The following CDH22 variants were observed in gnomAD, a reference collection of about 807,000 sequenced individuals.
CDH22 encodes cadherin 22, also known as cadherin-22.
Under a neutral mutation model 58.4 loss-of-function variants are expected in CDH22, and 30 were observed. That is an observed-to-expected ratio of 0.51 (90% CI 0.38 to 0.70). CDH22 has a LOEUF of 0.70. CDH22 is among the 30% of genes least tolerant of loss of function. The pLI is 0.00. For synonymous variants in CDH22, 513 were observed against 558.2 expected, an observed-to-expected ratio of 0.92 and a Z score of 1.14; for missense variants, 1,014 against 1,233.9, an observed-to-expected ratio of 0.82 and a Z score of 2.67.
At chr20:46,197,157 C>T (rs1459518533) in intron 8 of CDH22, among the ~76,000 whole-genome samples, 1 of 152,110 alleles carries the variant, frequency 6.6e-6, no homozygotes, top group Non-Finnish European at 1.5e-5. Context: ...GGTCCAAATC[C>T]CAGCTTTGCC....
rs1296245103 is a variant in CDH22 at position 46,210,388 on chromosome 20, T to G, written c.1205A>C (p.Glu402Ala). 3 of 1,473,142 alleles carry G rather than the reference T, an allele frequency of 2.0e-6. No homozygotes were observed. The African/African-American group carries it at 4.4e-5, about 22-fold the overall frequency. 91.3% of individuals were successfully genotyped at this position (1,473,142 alleles called of 1,614,324 possible). Residue 402 changes from glutamate (E) to alanine (A), a missense_variant, in exon 7 of 12, where the codon GAG becomes GCG. By Grantham distance (107) the Glu-to-Ala change is moderately radical. Around this residue, in one of 2 missense-constraint regions of CDH22, gnomAD observed 806 missense variants for 1,038.7 expected, o/e 0.78. Coordinates refer to ENST00000537909, the MANE Select transcript of CDH22 (RefSeq NM_021248.3). This position sits in a 1 kb window ranked among gnomAD's most constrained non-coding sequence, Gnocchi z 4.5. ...PEFRPPSGLL[E>A]VQEDAQVGSL... ...GCCCACCTGCGCGTCCTCCTGCACCTCCAGGAGGCCGGAGGGCGGCCGGAA... is the reference window on the plus strand; with the variant it reads ...GCCCACCTGCGCGTCCTCCTGCACCGCCAGGAGGCCGGAGGGCGGCCGGAA...
chr20:46,178,317 A>T, intron 10 of CDH22, 120 bp from the exon 11 acceptor site: 1 of 1,060,990 alleles, frequency 9.4e-7, no homozygotes, highest in Non-Finnish European at 1.4e-6. Context: ...CAGCCTCCCA[A>T]TGGACTCATG....
At chr20:46,252,901 G>A (rs998214490) in intron 1 of CDH22, among the ~76,000 whole-genome samples, 1 of 152,226 alleles carries the variant, frequency 6.6e-6, no homozygotes, top group South Asian at 2.1e-4. Context: ...GAAAGTAGGC[G>A]GGAGACAATC....
intron 10 of CDH22, among the ~76,000 whole-genome samples, chr20:46,178,586 C>CTTTTTTTTTT (rs33937889): frequency 1.0e-4 from 10 of 95,338 alleles, no homozygotes; most frequent in African/African-American, 1.2e-4. Context: ...CTGGCGTTGT[C>CTTTTTTTTTT]TTTTTTTTTT....
chr20:46,200,270 C>T (rs1048459845), intron 7 of CDH22, among the ~76,000 whole-genome samples: 7 of 151,652 alleles, frequency 4.6e-5, no homozygotes, highest in African/African-American at 1.5e-4. Context: ...CGACCGCGCC[C>T]GGCCCTCTTT....
intron 11 of CDH22, 124 bp downstream of exon 11, chr20:46,177,821 GT>G: frequency 8.0e-7 from 1 of 1,255,286 alleles, no homozygotes; most frequent in South Asian, 1.4e-5. Context: ...CTTGGAGATG[GT>G]TTGGCCAGCC....
intron 10 of CDH22, among the ~76,000 whole-genome samples, chr20:46,185,610 A>G (rs904480851): frequency 7.9e-5 from 12 of 152,094 alleles, no homozygotes; most frequent in African/African-American, 2.9e-4. Context: ...TCTCATGCCT[A>G]TAATCTCAGC....
At chr20:46,290,582 C>G (rs574673102) in intron 1 of CDH22, among the ~76,000 whole-genome samples, 1 of 152,130 alleles carries the variant, frequency 6.6e-6, no homozygotes, top group Non-Finnish European at 1.5e-5. Context: ...TAGTGCGATG[C>G]GGGCCTGAGC....
intron 10 of CDH22, among the ~76,000 whole-genome samples, chr20:46,183,471 C>T (rs987354123): frequency 2.6e-5 from 4 of 152,028 alleles, no homozygotes; most frequent in Non-Finnish European, 4.4e-5. Flanking sequence ...CTCTGTCTTC[C>T]AGGCTGGAGT....
At chr20:46,285,033 C>T (rs2086569853) in intron 1 of CDH22, among the ~76,000 whole-genome samples, 1 of 152,306 alleles carries the variant, frequency 6.6e-6, no homozygotes, top group South Asian at 2.1e-4. Context: ...GCTGATCACT[C>T]CTGGTCTTCA....
intron 2 of CDH22, among the ~76,000 whole-genome samples, chr20:46,246,392 T>C (rs1346951106): frequency 6.6e-6 from 1 of 152,176 alleles, no homozygotes; most frequent in Non-Finnish European, 1.5e-5. Context: ...CCTACAGGAG[T>C]TGGTCATGAG....
At chr20:46,260,748 C>T (rs185441496) in intron 1 of CDH22, among the ~76,000 whole-genome samples, 1 of 152,366 alleles carries the variant, frequency 6.6e-6, no homozygotes, top group Admixed American at 6.5e-5. Context: ...ACATCACTGC[C>T]AAGGCTGTAT....
chr20:46,287,994 C>T (rs1244176273), intron 1 of CDH22, among the ~76,000 whole-genome samples: 4 of 152,094 alleles, frequency 2.6e-5, no homozygotes, highest in Non-Finnish European at 2.9e-5. Flanking sequence ...AGGAATGCTA[C>T]GGGGAGCTGC....
intron 1 of CDH22, among the ~76,000 whole-genome samples, chr20:46,296,311 C>A (rs1466641510): frequency 1.3e-5 from 2 of 152,194 alleles, no homozygotes; most frequent in Non-Finnish European, 2.9e-5. Context: ...ACTATTTGCT[C>A]ATTATCTCGT....
chr20:46,225,847 C>CT (rs1190107761), intron 4 of CDH22, among the ~76,000 whole-genome samples: 4 of 151,370 alleles, frequency 2.6e-5, no homozygotes, highest in African/African-American at 9.7e-5. Context: ...AAATGTATTA[C>CT]TTTTTTGGGG....
chr20:46,236,266 C>T (rs933523234), intron 3 of CDH22, among the ~76,000 whole-genome samples: 2 of 151,822 alleles, frequency 1.3e-5, no homozygotes, highest in Admixed American at 1.3e-4. Context: ...TTTAACAAGC[C>T]CTCCAGGTAA....
At chr20:46,260,507 A>G (rs1468771022) in intron 1 of CDH22, among the ~76,000 whole-genome samples, 2 of 152,276 alleles carry the variant, frequency 1.3e-5, no homozygotes, top group East Asian at 3.9e-4. Flanking sequence ...TCCTTCTTCC[A>G]TCCCTTTCCC....
chr20:46,264,205 T>C (rs1446923119), intron 1 of CDH22, among the ~76,000 whole-genome samples: 1 of 152,158 alleles, frequency 6.6e-6, no homozygotes, highest in Non-Finnish European at 1.5e-5. Flanking sequence ...ATAAAGTAAG[T>C]TATCATTATC....
intron 1 of CDH22, among the ~76,000 whole-genome samples, chr20:46,293,190 C>A (rs2086612435): frequency 6.6e-6 from 1 of 152,128 alleles, no homozygotes; most frequent in Admixed American, 6.6e-5. Context: ...GAAGACTGCC[C>A]CCATCCCCAG....
Sources: allele counts gnomAD v4.1 joint callset (sites outside exome capture counted in the v4.1 genomes callset), GRCh38; gene constraint gnomAD v4.1.1; regional missense constraint gnomAD v4.1.1; non-coding constraint Gnocchi (gnomAD v3.1); transcripts MANE v1.5; gene names NCBI Gene and HGNC (gene_info 2026-07-23, HGNC 2026-07-21).